NOL4: variants seen among roughly 807,000 people sequenced by gnomAD.
The protein encoded by NOL4 is cancer/testis antigen 125.
In NOL4, 17 loss-of-function variants were observed where a neutral mutation model predicts 75.9. That is an observed-to-expected ratio of 0.22 (90% confidence interval 0.15 to 0.34). The LOEUF (loss-of-function observed/expected upper bound fraction) is 0.34, where lower values mean the gene tolerates loss of function less well. Ranked by LOEUF, NOL4 falls within the 10% of genes least tolerant of loss-of-function variation. The pLI, the probability that NOL4 is intolerant of heterozygous loss-of-function variation, is 1.00. For synonymous variants in NOL4, 292 were observed against 289.9 expected (o/e 1.01, Z -0.07); for missense variants, 614 against 793.5 (o/e 0.77, Z 2.72).
intron 1 of NOL4, among the ~76,000 whole-genome samples, chr18:34,160,055 T>A (rs967564246): frequency 6.6e-6 from 1 of 152,166 alleles, no homozygotes; most frequent in African/African-American, 2.4e-5. Context: ...AATCCTGTTT[T>A]TATTTACTGG....
In NOL4 at chr18:33,867,564, G is replaced by A. The variant is rs530646231; in HGVS notation, c.1724-14529C>T. 2.0e-4 allele frequency among the ~76,000 whole-genome samples: 31 copies of A among 151,776 alleles called. No homozygotes were observed. In the South Asian group the frequency reaches 5.0e-3, roughly 24 times the overall value. ...TCCTCAGGGCATTTTGGAGGTTTTC[G>A]TCTTATCACGCCCCTTGCTTACCAC... On this transcript the variant is annotated intron_variant, in intron 10 of 10. Transcript: ENST00000261592.
intron 5 of NOL4, among the ~76,000 whole-genome samples, chr18:34,036,844 AT>A (rs2075922646): frequency 6.6e-6 from 1 of 152,218 alleles, no homozygotes; most frequent in Non-Finnish European, 1.5e-5. Flanking sequence ...AGGCAGGAGA[AT>A]CGCTTGAACC....
rs142656190 is a variant in NOL4 at position 33,879,074 on chromosome 18, A to G, written c.1723+4170T>C. On this transcript the variant is annotated intron_variant, in intron 10 of 10. Coordinates refer to ENST00000261592, the MANE Select transcript of NOL4 (RefSeq NM_003787.5). ...GGCTATGCCAACAACTCGTTAAACA[A>G]TTGAAGTTTATTTGCATCACTTTTC... is the stretch of plus-strand genomic sequence containing the variant. Among the ~76,000 whole-genome samples the G allele has an allele frequency of 7.4e-4, 113 of 152,236 alleles. 1 individual carries two copies. The highest frequency in any genetic ancestry group is 2.2e-3 in the African/African-American group (93 of 41,556).
chr18:34,204,856 A>G (rs2036010110), intron 1 of NOL4, among the ~76,000 whole-genome samples: 1 of 152,158 alleles, frequency 6.6e-6, no homozygotes, highest in South Asian at 2.1e-4. Flanking sequence ...AAACTGGCAC[A>G]TGCATCACAT....
chr18:34,222,442 G>T, intron 1 of NOL4: 4 of 1,099,480 alleles, frequency 3.6e-6, no homozygotes, highest in Non-Finnish European at 4.4e-6. Context: ...GCTGCCCCGT[G>T]CCTCCCGGGC....
rs761846643 is a variant in NOL4, at chr18:33,867,574, G to A, written c.1724-14539C>T. On this transcript the variant is annotated intron_variant, in intron 10 of 10. Transcript: ENST00000261592. The stretch of plus-strand genomic sequence containing the variant: ...ATTTTGGAGGTTTTCGTCTTATCAC[G>A]CCCCTTGCTTACCACAATTCATACT... Among the ~76,000 whole-genome samples the A allele has an allele frequency of 5.3e-5, 8 of 151,602 alleles. No homozygotes were observed. The East Asian group carries it at 9.7e-4, about 18-fold the overall frequency.
At chr18:34,127,757 C>G (rs540485103) in intron 2 of NOL4, among the ~76,000 whole-genome samples, 1 of 151,916 alleles carries the variant, frequency 6.6e-6, no homozygotes, top group South Asian at 2.1e-4. Flanking sequence ...TGTTTCTTTC[C>G]TATAATGAAT....
At chr18:33,974,282 GA>G (rs1293056898) in intron 6 of NOL4, among the ~76,000 whole-genome samples, 4 of 152,144 alleles carry the variant, frequency 2.6e-5, no homozygotes, top group Non-Finnish European at 5.9e-5. Context: ...CAGAATTCAA[GA>G]AATTTAGGGA....
chr18:34,055,518 C>G (rs968529078), intron 5 of NOL4, among the ~76,000 whole-genome samples: 6 of 151,992 alleles, frequency 3.9e-5, no homozygotes, highest in Admixed American at 1.3e-4. Context: ...TCTTTTTTCC[C>G]TTGCTGCTTT....
intron 9 of NOL4, among the ~76,000 whole-genome samples, chr18:33,928,166 T>C (rs890201627): frequency 6.6e-6 from 1 of 152,266 alleles, no homozygotes; most frequent in African/African-American, 2.4e-5. Flanking sequence ...GGTTTAAAAA[T>C]AACATTAACA....
chr18:34,098,592 T>G, intron 4 of NOL4, among the ~76,000 whole-genome samples: 1 of 152,164 alleles, frequency 6.6e-6, no homozygotes, highest in South Asian at 2.1e-4. Context: ...AATAAATCAT[T>G]TTTGTATTAA....
intron 5 of NOL4, among the ~76,000 whole-genome samples, chr18:34,085,754 T>C (rs2078213209): frequency 6.6e-6 from 1 of 152,172 alleles, no homozygotes; most frequent in African/African-American, 2.4e-5. Context: ...TTTAAATAAA[T>C]ATACAACTAA....
chr18:34,206,739 G>C (rs560820849), intron 1 of NOL4, among the ~76,000 whole-genome samples: 1 of 152,010 alleles, frequency 6.6e-6, no homozygotes, highest in Non-Finnish European at 1.5e-5. Context: ...GTTCCACCAA[G>C]CATTTTGAAT....
intron 6 of NOL4, among the ~76,000 whole-genome samples, chr18:33,990,997 C>A (rs1459612116): frequency 6.6e-6 from 1 of 152,010 alleles, no homozygotes; most frequent in African/African-American, 2.4e-5. Context: ...CTTTCAATAT[C>A]TTATACCCGC....
chr18:33,904,311 T>C (rs990587706), intron 9 of NOL4, among the ~76,000 whole-genome samples: 10 of 152,060 alleles, frequency 6.6e-5, no homozygotes, highest in Non-Finnish European at 1.3e-4. Flanking sequence ...GTCTCTGGCA[T>C]ATTTTGACCA....
At chr18:34,203,729 A>T (rs1288027353) in intron 1 of NOL4, among the ~76,000 whole-genome samples, 6 of 146,290 alleles carry the variant, frequency 4.1e-5, no homozygotes, top group African/African-American at 1.5e-4. Flanking sequence ...ACACACACAC[A>T]CACACACACA....
chr18:33,857,913 T>C (rs1409393197), intron 10 of NOL4, among the ~76,000 whole-genome samples: 1 of 152,132 alleles, frequency 6.6e-6, no homozygotes, highest in Non-Finnish European at 1.5e-5. Context: ...TTGAATTAGT[T>C]TTTTTGCAAC....
At chr18:34,096,192 AT>A (rs1360024021) in intron 4 of NOL4, among the ~76,000 whole-genome samples, 1 of 152,034 alleles carries the variant, frequency 6.6e-6, no homozygotes, top group Non-Finnish European at 1.5e-5. Context: ...ATACTTATGT[AT>A]TTTTGTAATT....
rs189791844 is a variant in NOL4, at chr18:34,045,681, G to C, written c.773-26080C>G. Among the ~76,000 whole-genome samples, 77 of 152,192 alleles carry C rather than the reference G, an allele frequency of 5.1e-4. 2 individuals are homozygous for C. The East Asian group carries it at 0.012, about 23-fold the overall frequency. On this transcript the variant is annotated intron_variant, in intron 5 of 10. Transcript: ENST00000261592. ...TATGAAGTCAAACTTATAGCATATAGATAAAAAATTTTCATGGCAGCATAA... is the reference window on the plus strand; with the variant it reads ...TATGAAGTCAAACTTATAGCATATACATAAAAAATTTTCATGGCAGCATAA...
Sources: allele counts gnomAD v4.1 joint callset (sites outside exome capture counted in the v4.1 genomes callset), GRCh38; gene constraint gnomAD v4.1.1; transcripts MANE v1.5; gene names NCBI Gene and HGNC (gene_info 2026-07-23, HGNC 2026-07-21).